Variants in AGMO observed in about 807,000 individuals in gnomAD.
AGMO encodes glyceryl-ether monooxygenase.
Under a neutral mutation model 60.2 loss-of-function variants are expected in AGMO, and 75 were observed. The observed-to-expected ratio is 1.25, with a 90% CI of 1.03 to 1.51. The LOEUF is 1.51. Among genes scored for constraint, AGMO ranks in the 40% most tolerant of loss-of-function variants. AGMO has a pLI of 0.00. For synonymous variants in AGMO, 261 were observed against 177.1 expected (o/e 1.47, Z -3.76); for missense variants, 763 against 525.5 (o/e 1.45, Z -4.42).
intron 12 of AGMO, among the ~76,000 whole-genome samples, chr7:15,286,205 CA>C (rs1784092611): frequency 6.6e-6 from 1 of 151,664 alleles, no homozygotes; most frequent in African/African-American, 2.4e-5. Context: ...GCAAATGCAA[CA>C]AAAACAAAAA....
Position 15,254,566 on chromosome 7 carries a change from A to G in AGMO, c.1264-53207T>C, listed in dbSNP as rs113823590. Among the ~76,000 whole-genome samples the G allele has an allele frequency of 5.2e-3, 790 of 152,288 alleles. 4 individuals carry two copies. Among genetic ancestry groups the G allele is most frequent in the African/African-American group, 0.016 (668 of 41,556 alleles). On this transcript the variant is annotated intron_variant, in intron 12 of 12. Coordinates refer to ENST00000342526, the MANE Select transcript of AGMO (RefSeq NM_001004320.2). ...TGTTGAGGTCTTTTGACCATTTAAAATCAGATTAATTGTTATTTTGCAATT... is the reference window on the plus strand; with the variant it reads ...TGTTGAGGTCTTTTGACCATTTAAAGTCAGATTAATTGTTATTTTGCAATT...
At chr7:15,344,656 C>T (rs993122508) in intron 12 of AGMO, among the ~76,000 whole-genome samples, 44 of 152,114 alleles carry the variant, frequency 2.9e-4, no homozygotes, top group South Asian at 2.1e-4. Flanking sequence ...CGTGATGGTA[C>T]CACTGCACTC....
At chr7:15,377,665 G>T (rs2128569749) in intron 10 of AGMO, among the ~76,000 whole-genome samples, 1 of 152,118 alleles carries the variant, frequency 6.6e-6, no homozygotes, top group South Asian at 2.1e-4. Flanking sequence ...ACATTGGTTA[G>T]TATATCAACA....
chr7:15,553,579 C>T (rs920017949), intron 2 of AGMO, among the ~76,000 whole-genome samples: 1 of 151,820 alleles, frequency 6.6e-6, no homozygotes, highest in Non-Finnish European at 1.5e-5. Context: ...TAAATATTCC[C>T]TCAGTTTAAT....
chr7:15,367,451 G>C (rs1323080075), intron 10 of AGMO, among the ~76,000 whole-genome samples: 1 of 151,576 alleles, frequency 6.6e-6, no homozygotes, highest in African/African-American at 2.4e-5. Flanking sequence ...CATTATATCG[G>C]CTTTATTTTT....
chr7:15,335,555 G>A (rs1418799258), intron 12 of AGMO, among the ~76,000 whole-genome samples: 2 of 152,180 alleles, frequency 1.3e-5, no homozygotes, highest in South Asian at 2.1e-4. Context: ...ATAGAAATCC[G>A]TCACCTGGAA....
intron 12 of AGMO, among the ~76,000 whole-genome samples, chr7:15,352,184 T>C (rs1030166738): frequency 3.9e-5 from 6 of 152,124 alleles, no homozygotes; most frequent in Admixed American, 6.6e-5. Context: ...CACCCCGCCA[T>C]AGATCTTCAG....
chr7:15,171,412 C>T, the AGMO span, among the ~76,000 whole-genome samples: 26 of 152,322 alleles, frequency 1.7e-4, no homozygotes, highest in African/African-American at 6.3e-4. Flanking sequence ...ACAGTAGTAT[C>T]TGTCAGTATA....
chr7:15,363,577 A>G (rs1221514787), intron 12 of AGMO, among the ~76,000 whole-genome samples: 1 of 152,210 alleles, frequency 6.6e-6, no homozygotes, highest in Non-Finnish European at 1.5e-5. Flanking sequence ...ATACGGCTTC[A>G]AAGTTCAAGT....
intron 3 of AGMO, among the ~76,000 whole-genome samples, chr7:15,485,505 T>C (rs1782893905): frequency 6.6e-6 from 1 of 152,168 alleles, no homozygotes; most frequent in Non-Finnish European, 1.5e-5. Context: ...TTTTCTCATG[T>C]TCAGATGAGG....
intron 3 of AGMO, among the ~76,000 whole-genome samples, chr7:15,444,359 T>TC (rs1781643216): frequency 6.6e-6 from 1 of 152,242 alleles, no homozygotes; most frequent in African/African-American, 2.4e-5. Flanking sequence ...TGCTTGACCC[T>TC]CCCATTCCCT....
At chr7:15,390,012 G>A (rs993582797) in intron 8 of AGMO, among the ~76,000 whole-genome samples, 2 of 152,092 alleles carry the variant, frequency 1.3e-5, no homozygotes, top group Admixed American at 1.3e-4. Flanking sequence ...CACCTCTTCA[G>A]CTTTTCAAGT....
chr7:15,499,251 T>C (rs986970988), intron 3 of AGMO, among the ~76,000 whole-genome samples: 3 of 151,870 alleles, frequency 2.0e-5, no homozygotes, highest in African/African-American at 4.8e-5. Context: ...GAGTCAATCT[T>C]ACCTCAATAA....
At chr7:15,183,166 G>A in the AGMO span, among the ~76,000 whole-genome samples, 3 of 151,338 alleles carry the variant, frequency 2.0e-5, no homozygotes, top group African/African-American at 7.3e-5. Context: ...ATGAGCAACT[G>A]AAGAGGGGTC....
chr7:15,449,650 A>T (rs1402830383), intron 3 of AGMO, among the ~76,000 whole-genome samples: 1 of 152,148 alleles, frequency 6.6e-6, no homozygotes, highest in South Asian at 2.1e-4. Flanking sequence ...AGTACACTCT[A>T]TGAGGTTTGC....
At chr7:15,317,045 A>G (rs1780947320) in intron 12 of AGMO, among the ~76,000 whole-genome samples, 1 of 152,150 alleles carries the variant, frequency 6.6e-6, no homozygotes, top group South Asian at 2.1e-4. Context: ...AAAAGTCAGT[A>G]TTTTAAAAAT....
At position 15,490,553 on chromosome 7, in the gene AGMO, C is replaced by T. The variant is rs544473673; in HGVS notation, c.409+54219G>A. 9.2e-5 allele frequency among the ~76,000 whole-genome samples: 14 copies of T among 152,228 alleles called. No homozygotes were observed. In the South Asian group the frequency reaches 2.1e-3, roughly 23 times the overall value. ...GGATTATTAACATCCGCAACACAGA[C>T]AGGAACTTGGTTTTATGCCTCAAGA... On this transcript the variant is annotated intron_variant, in intron 3 of 12. Transcript: ENST00000342526.
chr7:15,351,753 A>C (rs537024798), intron 12 of AGMO, among the ~76,000 whole-genome samples: 103 of 152,326 alleles, frequency 6.8e-4, no homozygotes, highest in African/African-American at 2.4e-3. Flanking sequence ...ATCAAATGCA[A>C]TTCTTTTTAA....
At chr7:15,171,970 G>A in the AGMO span, among the ~76,000 whole-genome samples, 3 of 152,104 alleles carry the variant, frequency 2.0e-5, no homozygotes, top group Admixed American at 2.0e-4. Context: ...TACAAAACAA[G>A]TATTGAGGGC....
Sources: gnomAD v4.1 joint callset for allele counts (sites outside exome capture counted in the v4.1 genomes callset) on GRCh38, gnomAD v4.1.1 for gene constraint, MANE v1.5 for transcripts, NCBI Gene and HGNC (gene_info 2026-07-23, HGNC 2026-07-21) for gene names.